ZEB1: variants seen among roughly 807,000 people sequenced by gnomAD.
The protein encoded by ZEB1 is zinc finger E-box-binding homeobox 1.
A neutral mutation model predicts 84.9 loss-of-function variants in ZEB1; 21 were observed. The ratio of observed to expected loss-of-function variants is 0.25; its 90% confidence interval spans 0.18 to 0.36. ZEB1 has a LOEUF of 0.36. ZEB1 is among the 10% of genes least tolerant of loss of function. The pLI is 1.00. For synonymous variants in ZEB1, 420 were observed against 471.1 expected, an observed-to-expected ratio of 0.89 and a Z score of 1.41; for missense variants, 1,104 against 1,330.2, an observed-to-expected ratio of 0.83 and a Z score of 2.65.
In ZEB1 at chr10:31,466,252, A is replaced by G. The variant is rs1591566015; in HGVS notation, c.259+5015A>G. Among the ~76,000 whole-genome samples, 5 of 152,244 alleles carry G rather than the reference A, an allele frequency of 3.3e-5. No homozygotes were observed. In the South Asian group the frequency reaches 1.0e-3, roughly 31 times the overall value. On this transcript the variant is annotated intron_variant, in intron 2 of 8. Transcript: ENST00000424869. The stretch of plus-strand genomic sequence containing the variant: ...AATAAAGAAACAGTGGATTTGAACA[A>G]CACTAGACAAAATGGACCTGATATA...
intron 2 of ZEB1, among the ~76,000 whole-genome samples, chr10:31,476,899 A>C (rs2064286766): frequency 6.6e-6 from 1 of 152,100 alleles, no homozygotes; most frequent in Non-Finnish European, 1.5e-5. Flanking sequence ...TAGGCATTGA[A>C]GGAACGTACC....
At chr10:31,457,530 A>G (rs1428929823) in intron 1 of ZEB1, among the ~76,000 whole-genome samples, 3 of 152,020 alleles carry the variant, frequency 2.0e-5, no homozygotes, top group Non-Finnish European at 4.4e-5. Context: ...GATTTTTCCC[A>G]TTTTATGACA....
intron 1 of ZEB1, among the ~76,000 whole-genome samples, chr10:31,401,087 A>G (rs1177768626): frequency 6.6e-6 from 1 of 152,126 alleles, no homozygotes; most frequent in Non-Finnish European, 1.5e-5. Context: ...ATATTTGTGC[A>G]TATAACTTCT....
chr10:31,518,446 G>A (rs1002026214), intron 6 of ZEB1, among the ~76,000 whole-genome samples: 4 of 152,136 alleles, frequency 2.6e-5, no homozygotes, highest in Admixed American at 2.6e-4. Context: ...GGACAAACTA[G>A]GATAGGGAAA....
At chr10:31,515,421 TCTC>T (rs2070893751) in intron 6 of ZEB1, among the ~76,000 whole-genome samples, 1 of 152,058 alleles carries the variant, frequency 6.6e-6, no homozygotes, top group African/African-American at 2.4e-5. Flanking sequence ...AATCTGTTCA[TCTC>T]CTGATAAATT....
intron 2 of ZEB1, among the ~76,000 whole-genome samples, chr10:31,490,196 A>C (rs2066335612): frequency 1.3e-5 from 2 of 151,346 alleles, no homozygotes; most frequent in African/African-American, 2.4e-5. Context: ...GGAGGTTACT[A>C]TTTGAGGTTC....
chr10:31,392,566 T>C (rs946264778), intron 1 of ZEB1, among the ~76,000 whole-genome samples: 1 of 152,078 alleles, frequency 6.6e-6, no homozygotes, highest in African/African-American at 2.4e-5. Flanking sequence ...CTGTATTAAT[T>C]AGGGAAACTA....
chr10:31,387,896 T>A (rs1012681147), intron 1 of ZEB1: 1 of 312,450 alleles, frequency 3.2e-6, no homozygotes, highest in Admixed American at 6.5e-5. Flanking sequence ...TTTTTCGTCT[T>A]ACAACTTCTT....
intron 1 of ZEB1, among the ~76,000 whole-genome samples, chr10:31,447,904 T>G (rs2060004714): frequency 6.6e-6 from 1 of 152,168 alleles, no homozygotes; most frequent in South Asian, 2.1e-4. Flanking sequence ...GAGTTGCTCT[T>G]CTTGAGGAGT....
rs532297093 is a variant in ZEB1 at position 31,363,015 on chromosome 10, A to G, written c.58+43723A>G. On this transcript the variant is annotated intron_variant, in intron 1 of 8. Coordinates refer to ENST00000424869, the MANE Select transcript of ZEB1 (RefSeq NM_001174096.2). ...TTGCCGGTGGGGGCCGCTCGTCTCT[A>G]TCACACCTCAGTTGCAGGGGAGGGG... 23 of 1,533,928 alleles carry G rather than the reference A, an allele frequency of 1.5e-5. No individual in the cohort carries two copies. The South Asian group carries it at 2.1e-4, about 14-fold the overall frequency.
rs7918614 is a variant in ZEB1, at chr10:31,461,170, C to T, written c.192C>T (p.Asp64=). ...TACCAGAGGATGACCTGCCAACAGA[C>T]CAGACAGTGTTACCAGGGAGGAGCA... ...EGVPEDDLPT[D]QTVLPGRSSE... Residue 64 remains aspartate, a synonymous_variant, in exon 2 of 9, where the codon GAC becomes GAT. Coordinates refer to ENST00000424869, the MANE Select transcript of ZEB1 (RefSeq NM_001174096.2). The T allele has an allele frequency of 0.019, 30,310 of 1,613,300 alleles. 1,721 individuals are homozygous for T. The highest frequency in any genetic ancestry group is 0.18 in the African/African-American group (13,700 of 74,928).
At chr10:31,447,650 A>G (rs1453953442) in intron 1 of ZEB1, among the ~76,000 whole-genome samples, 1 of 145,082 alleles carries the variant, frequency 6.9e-6, no homozygotes, top group Non-Finnish European at 1.5e-5. Flanking sequence ...TGTGTAAAGG[A>G]TTTTATTTCT....
At chr10:31,526,619 G>A in intron 8 of ZEB1, 53 bp from the exon 9 acceptor site, 1 of 1,601,422 alleles carries the variant, frequency 6.2e-7, no homozygotes, top group Non-Finnish European at 8.5e-7. Flanking sequence ...ACCGTATAAG[G>A]ATTTTATTTG....
intron 1 of ZEB1, chr10:31,358,334 G>A (rs2042441044): frequency 2.6e-5 from 4 of 152,192 alleles, no homozygotes; most frequent in African/African-American, 7.2e-5. Context: ...CATCAAGCCT[G>A]TAAGTATGAA....
chr10:31,452,728 TGTGTGTGTGTGTGTGAGAGAGAGA>T (rs1184835918), intron 1 of ZEB1, among the ~76,000 whole-genome samples: 2,134 of 123,682 alleles, frequency 0.017, 49 homozygotes, highest in African/African-American at 0.078. Context: ...TGTGTGTGTG[TGTGTGTGTGTGTGTGAGAGAGAGA>T]GAGAGAGAGA....
chr10:31,410,536 A>G (rs1027579598), intron 1 of ZEB1, among the ~76,000 whole-genome samples: 5 of 152,200 alleles, frequency 3.3e-5, no homozygotes, highest in African/African-American at 9.6e-5. Context: ...GTTAGGGAGG[A>G]GTCCCTCTTT....
intron 1 of ZEB1, among the ~76,000 whole-genome samples, chr10:31,348,115 A>T (rs2040640348): frequency 6.6e-6 from 1 of 152,178 alleles, no homozygotes; most frequent in Non-Finnish European, 1.5e-5. Context: ...CTCATTCTGT[A>T]AAATATGAGT....
At chr10:31,450,004 G>T (rs910006907) in intron 1 of ZEB1, among the ~76,000 whole-genome samples, 2 of 152,188 alleles carry the variant, frequency 1.3e-5, no homozygotes, top group Non-Finnish European at 2.9e-5. Flanking sequence ...GTGAAGCTGT[G>T]ATTTGAGCCA....
intron 4 of ZEB1, among the ~76,000 whole-genome samples, chr10:31,508,312 G>T (rs2069337504): frequency 6.6e-6 from 1 of 152,120 alleles, no homozygotes; most frequent in Non-Finnish European, 1.5e-5. Context: ...TGGTAAGCTG[G>T]GCAGGTGGGC....
Sources: gnomAD v4.1 joint callset for allele counts (sites outside exome capture counted in the v4.1 genomes callset) on GRCh38, gnomAD v4.1.1 for gene constraint, MANE v1.5 for transcripts, NCBI Gene and HGNC (gene_info 2026-07-23, HGNC 2026-07-21) for gene names.